Variants in SH3PXD2B observed in about 807,000 individuals in gnomAD.
SH3PXD2B encodes SH3 and PX domain-containing protein 2B.
SH3PXD2B carries 37 observed loss-of-function variants against 73.1 expected under a neutral mutation model. The observed-to-expected ratio is 0.51, with a 90% confidence interval of 0.39 to 0.67. The LOEUF is 0.67. Ranked by LOEUF, SH3PXD2B falls within the 30% of genes least tolerant of loss-of-function variation. SH3PXD2B has a pLI of 0.00. For missense variants in SH3PXD2B, 1,053 were observed against 1,197.8 expected (o/e 0.88, Z 1.78); for synonymous variants, 457 against 480.5 (o/e 0.95, Z 0.64).
chr5:172,427,705 C>A (rs1581331534), intron 1 of SH3PXD2B, among the ~76,000 whole-genome samples: 1 of 151,590 alleles, frequency 6.6e-6, no homozygotes, highest in East Asian at 1.9e-4. Flanking sequence ...GAAAAAAGTT[C>A]TGGCGATGGA....
At chr5:172,348,961 C>T (rs1757091469) in intron 10 of SH3PXD2B, among the ~76,000 whole-genome samples, 1 of 152,174 alleles carries the variant, frequency 6.6e-6, no homozygotes, top group Non-Finnish European at 1.5e-5. Context: ...GATCCTCCAG[C>T]CTCAGCCTCC....
chr5:172,354,186 A>C (rs1288551663), intron 8 of SH3PXD2B, among the ~76,000 whole-genome samples, 181 bp from the exon 9 acceptor site: 1 of 152,140 alleles, frequency 6.6e-6, no homozygotes, highest in East Asian at 1.9e-4. Flanking sequence ...CACAGGACAA[A>C]GGGTAGATCT....
chr5:172,397,787 C>T (rs1165727611), intron 3 of SH3PXD2B, among the ~76,000 whole-genome samples: 3 of 152,110 alleles, frequency 2.0e-5, no homozygotes, highest in South Asian at 4.1e-4. Flanking sequence ...TAATATTCCA[C>T]GTAACTCTTA....
intron 3 of SH3PXD2B, among the ~76,000 whole-genome samples, chr5:172,402,017 G>A (rs1191683577): frequency 6.6e-6 from 1 of 152,234 alleles, no homozygotes; most frequent in Admixed American, 6.5e-5. Context: ...CATTAGGTCT[G>A]GCTGCCTGAG....
intron 2 of SH3PXD2B, among the ~76,000 whole-genome samples, chr5:172,414,677 C>T (rs895407621): frequency 2.0e-5 from 3 of 152,146 alleles, no homozygotes; most frequent in Admixed American, 6.5e-5. Flanking sequence ...GCGTGCGGAG[C>T]AGGAGAGGAG....
At chr5:172,411,055 T>C (rs1339749733) in intron 2 of SH3PXD2B, among the ~76,000 whole-genome samples, 6 of 152,194 alleles carry the variant, frequency 3.9e-5, no homozygotes, top group Admixed American at 3.9e-4. Flanking sequence ...TCTGTGCACA[T>C]GTGAACAGCA....
intron 12 of SH3PXD2B, among the ~76,000 whole-genome samples, chr5:172,345,840 G>C (rs1206643224): frequency 6.6e-6 from 1 of 152,230 alleles, no homozygotes; most frequent in African/African-American, 2.4e-5. Context: ...AAGTGGATTG[G>C]TGGCTGCCTA....
chr5:172,376,844 C>T (rs925080819), intron 5 of SH3PXD2B, among the ~76,000 whole-genome samples: 28 of 152,190 alleles, frequency 1.8e-4, no homozygotes, highest in Non-Finnish European at 1.8e-4. Flanking sequence ...AAGATACTGA[C>T]GCCCAGAGAG....
At chr5:172,342,904 G>C (rs1294529797) in intron 12 of SH3PXD2B, among the ~76,000 whole-genome samples, 1 of 152,210 alleles carries the variant, frequency 6.6e-6, no homozygotes, top group East Asian at 1.9e-4. Flanking sequence ...CAAATGCTGG[G>C]CTCCTGGGCC....
intron 2 of SH3PXD2B, among the ~76,000 whole-genome samples, chr5:172,414,762 C>T (rs1251476157): frequency 1.3e-5 from 2 of 152,212 alleles, no homozygotes; most frequent in Non-Finnish European, 2.9e-5. Context: ...ATGAGGCTGG[C>T]ATTTCTCCCG....
chr5:172,341,739 C>T (rs566748342), intron 12 of SH3PXD2B, among the ~76,000 whole-genome samples: 12 of 152,314 alleles, frequency 7.9e-5, no homozygotes, highest in South Asian at 2.1e-4. Context: ...CAGGCTCCGC[C>T]GCCTGGGTTC....
chr5:172,385,488 G>A (rs1307134852), intron 4 of SH3PXD2B, among the ~76,000 whole-genome samples: 1 of 152,216 alleles, frequency 6.6e-6, no homozygotes, highest in African/African-American at 2.4e-5. Flanking sequence ...AAGGCGGCAG[G>A]GTGGCAGCTG....
intron 4 of SH3PXD2B, among the ~76,000 whole-genome samples, chr5:172,387,209 T>C (rs923970342): frequency 1.3e-5 from 2 of 152,202 alleles, no homozygotes; most frequent in African/African-American, 4.8e-5. Context: ...GTGTGTATGT[T>C]TGCATGTGTG....
chr5:172,413,156 A>G (rs1758740924), intron 2 of SH3PXD2B, among the ~76,000 whole-genome samples: 1 of 152,218 alleles, frequency 6.6e-6, no homozygotes, highest in African/African-American at 2.4e-5. Context: ...GGAAGTGGAG[A>G]AAGGCCTGGG....
intron 6 of SH3PXD2B, among the ~76,000 whole-genome samples, chr5:172,368,397 T>G (rs767614385): frequency 7.1e-6 from 1 of 141,432 alleles, no homozygotes; most frequent in Non-Finnish European, 1.5e-5. Flanking sequence ...ATATTCATAC[T>G]GCCTAACGGC....
Position 172,336,144 on chromosome 5 carries a change from T to C in SH3PXD2B, c.*2225A>G. Reference sequence around the variant, plus strand: ...AGTCTACTCAGCACCTAGCACAGAGTAGACACTCACAAAGTATCTGAAAGC... The same window carrying C: ...AGTCTACTCAGCACCTAGCACAGAGCAGACACTCACAAAGTATCTGAAAGC... On this transcript the variant is annotated 3_prime_UTR_variant, in exon 13 of 13. Transcript: ENST00000311601. The C allele has an allele frequency of 4.1e-6, 4 of 986,646 alleles. No individual in the cohort carries two copies. The highest frequency in any genetic ancestry group is 4.8e-6 in the Non-Finnish European group (4 of 830,888). 61.1% of individuals were successfully genotyped at this position (986,646 alleles called of 1,614,324 possible). A position where few individuals can be genotyped will look rare whatever the true frequency, so the allele number is the denominator to read the frequency against.
chr5:172,368,480 A>T (rs1388853590), intron 6 of SH3PXD2B, among the ~76,000 whole-genome samples: 1 of 21,578 alleles, frequency 4.6e-5, no homozygotes, highest in African/African-American at 2.4e-4. Flanking sequence ...ATATATATAT[A>T]TAAAATATAT....
rs2113510714 is a variant in SH3PXD2B, at chr5:172,443,635, G to C, written c.75+10643C>G. ...CTGGCTCTGGGCCAGACCTGGCCCA[G>C]GGCAGACAATAAACCCACATCTGTG... On this transcript the variant is annotated intron_variant, in intron 1 of 12. Coordinates refer to ENST00000311601, the MANE Select transcript of SH3PXD2B (RefSeq NM_001017995.3). Among the ~76,000 whole-genome samples the C allele has an allele frequency of 1.3e-5, 2 of 152,328 alleles. 1 individual carries two copies. The highest frequency in any genetic ancestry group is 4.1e-4 in the South Asian group (2 of 4,828).
intron 3 of SH3PXD2B, among the ~76,000 whole-genome samples, chr5:172,404,445 C>A (rs934886407): frequency 6.6e-6 from 1 of 152,146 alleles, no homozygotes; most frequent in African/African-American, 2.4e-5. Context: ...GTGCCCGCCA[C>A]CACGCCCAGC....
Sources: gnomAD v4.1 joint callset for allele counts (sites outside exome capture counted in the v4.1 genomes callset) on GRCh38, gnomAD v4.1.1 for gene constraint, MANE v1.5 for transcripts, NCBI Gene and HGNC (gene_info 2026-07-23, HGNC 2026-07-21) for gene names.